BCL7C: variants seen among roughly 807,000 people sequenced by gnomAD.
BCL7C encodes BAF chromatin remodeling complex subunit BCL7C, also known as B-cell CLL/lymphoma 7 protein family member C.
In BCL7C, 8 loss-of-function variants were observed where a neutral mutation model predicts 26.2. The ratio of observed to expected loss-of-function variants is 0.30; its 90% CI spans 0.18 to 0.55. The LOEUF is 0.55. Ranked by LOEUF, BCL7C falls within the 20% of genes least tolerant of loss-of-function variation. The pLI, the probability that BCL7C is intolerant of heterozygous loss-of-function variation, is 0.93. For missense variants in BCL7C, 262 were observed against 298.5 expected, an observed-to-expected ratio of 0.88 and a Z score of 0.90; for synonymous variants, 90 against 116.5, an observed-to-expected ratio of 0.77 and a Z score of 1.47.
intron 4 of BCL7C, among the ~76,000 whole-genome samples, chr16:30,890,775 C>T (rs1015349777): frequency 1.3e-4 from 20 of 151,890 alleles, no homozygotes; most frequent in Non-Finnish European, 2.2e-4. Flanking sequence ...CACCTGAAGT[C>T]GGGAGTTCGA....
chr16:30,874,782 C>T (rs2054921333), intron 5 of BCL7C, among the ~76,000 whole-genome samples: 1 of 152,138 alleles, frequency 6.6e-6, no homozygotes, highest in South Asian at 2.1e-4. Context: ...GGATAAATCA[C>T]CCCAGACTGT....
At chr16:30,889,119 A>C (rs1303884558) in intron 4 of BCL7C, among the ~76,000 whole-genome samples, 174 bp from the exon 5 acceptor site, 1 of 152,172 alleles carries the variant, frequency 6.6e-6, no homozygotes, top group Non-Finnish European at 1.5e-5. Flanking sequence ...GGGAACACTG[A>C]TGTGGGAGCT....
chr16:30,889,862 G>A (rs2055198068), intron 4 of BCL7C, among the ~76,000 whole-genome samples: 1 of 150,240 alleles, frequency 6.7e-6, no homozygotes, highest in Admixed American at 6.7e-5. Context: ...GGAATCCAAG[G>A]CTGCAGTGAG....
intron 5 of BCL7C, among the ~76,000 whole-genome samples, chr16:30,872,327 C>A (rs1271556047): frequency 1.3e-5 from 2 of 152,130 alleles, no homozygotes; most frequent in Non-Finnish European, 2.9e-5. Context: ...TGCAGGTAAT[C>A]CCAGCCAGCC....
intron 5 of BCL7C, among the ~76,000 whole-genome samples, chr16:30,844,243 G>T (rs1211390957): frequency 6.7e-6 from 1 of 149,630 alleles, no homozygotes; most frequent in South Asian, 2.1e-4. Context: ...CCAGCTACTC[G>T]GGAGGCTGAG....
chr16:30,842,626 T>C (rs1232822396), intron 5 of BCL7C, among the ~76,000 whole-genome samples: 1 of 152,190 alleles, frequency 6.6e-6, no homozygotes, highest in East Asian at 1.9e-4. Context: ...TGGAGTGCAG[T>C]GGTGCGATCT....
At chr16:30,865,397 A>G (rs1027602208) in intron 5 of BCL7C, among the ~76,000 whole-genome samples, 1 of 151,442 alleles carries the variant, frequency 6.6e-6, no homozygotes, top group African/African-American at 2.4e-5. Flanking sequence ...AGCGTGTGAC[A>G]GTCTCTACCA....
At chr16:30,844,381 AAAC>A (rs1258727167) in intron 5 of BCL7C, among the ~76,000 whole-genome samples, 5 of 150,836 alleles carry the variant, frequency 3.3e-5, no homozygotes, top group Non-Finnish European at 1.5e-5. Context: ...AAAAGGGAAA[AAAC>A]AAACAAACTA....
intron 5 of BCL7C, among the ~76,000 whole-genome samples, chr16:30,867,951 C>G (rs1372848974): frequency 6.6e-6 from 1 of 151,938 alleles, no homozygotes; most frequent in East Asian, 1.9e-4. Context: ...AGACTGTCCC[C>G]TAGAGCCTCC....
intron 5 of BCL7C, chr16:30,875,992 A>T (rs1384509898): frequency 6.6e-6 from 1 of 152,248 alleles, no homozygotes; most frequent in East Asian, 1.9e-4. Context: ...GAATAACTCC[A>T]TTCCTATCCC....
chr16:30,842,916 G>A (rs1567307683), intron 5 of BCL7C, among the ~76,000 whole-genome samples: 1 of 152,120 alleles, frequency 6.6e-6, no homozygotes, highest in Non-Finnish European at 1.5e-5. Context: ...AAAGTGCTGG[G>A]ATTACAGGCG....
rs2055292689 is a variant in BCL7C, at chr16:30,893,549, T to C, written c.93-259A>G. 6.6e-6 allele frequency among the ~76,000 whole-genome samples: 1 copy of C among 151,796 alleles called. No individual in the cohort carries two copies. The highest frequency in any genetic ancestry group is 2.1e-4 in the South Asian group (1 of 4,820). ...GGGGCACACATGGGGGGCGTGGCTA[T>C]GGGCCTGGCCCGGGATCAGAGCCCT... On this transcript the variant is annotated intron_variant, in intron 1 of 5. Transcript: ENST00000215115. The surrounding 1 kb of genome is among the most constrained non-coding windows in gnomAD (Gnocchi z 5.2).
At chr16:30,850,720 G>C (rs1470850728) in intron 5 of BCL7C, among the ~76,000 whole-genome samples, 2 of 152,156 alleles carry the variant, frequency 1.3e-5, no homozygotes, top group African/African-American at 2.4e-5. Context: ...GTATGCCATG[G>C]TAAGTACCAG....
chr16:30,845,873 G>A (rs1045030520), intron 5 of BCL7C, among the ~76,000 whole-genome samples: 1 of 151,862 alleles, frequency 6.6e-6, no homozygotes, highest in African/African-American at 2.4e-5. Flanking sequence ...TTGGGAGGCC[G>A]AGACAGGCGG....
chr16:30,887,581 C>T (rs548839634), downstream of BCL7C, among the ~76,000 whole-genome samples: 16 of 152,050 alleles, frequency 1.1e-4, no homozygotes, highest in South Asian at 6.2e-4. Flanking sequence ...CTGGGCCTCC[C>T]AGAGGAGGAG....
At chr16:30,863,136 C>G (rs1304473272) in intron 5 of BCL7C, among the ~76,000 whole-genome samples, 1 of 152,130 alleles carries the variant, frequency 6.6e-6, no homozygotes. Context: ...CTCCACTTCC[C>G]CATATTTCCT....
Position 30,893,767 on chromosome 16 carries a change from G to A in BCL7C, c.92+86C>T. The A allele has an allele frequency of 8.3e-7, 1 of 1,208,436 alleles. No homozygotes were observed. The allele number at this position is 1,208,436 out of a possible 1,614,324, so 74.9% of individuals were successfully genotyped here. A position where few individuals can be genotyped will look rare whatever the true frequency, so the allele number is the denominator to read the frequency against. The stretch of plus-strand genomic sequence containing the variant: ...GGGTGGAGATACACCGAACACCCGG[G>A]GCCCAGAGCTGGCGAGGGCAGCGTA... On this transcript the variant is annotated intron_variant, in intron 1 of 5. Coordinates refer to ENST00000215115, the MANE Select transcript of BCL7C (RefSeq NM_004765.4). This position sits in a 1 kb window ranked among gnomAD's most constrained non-coding sequence, Gnocchi z 5.2.
rs1474380871 is a variant in BCL7C at position 30,893,041 on chromosome 16, CAG to C, written c.172-95_172-94del. The C allele has an allele frequency of 7.5e-6, 10 of 1,339,076 alleles. No homozygotes were observed. The highest frequency in any genetic ancestry group is 9.4e-6 in the Non-Finnish European group (9 of 958,618). The allele number at this position is 1,339,076 out of a possible 1,614,324, so 82.9% of individuals were successfully genotyped here. ...ACTGAGAAGCAAAAGGGCTCAAACT[CAG>C]GGGGTGTGGAGCAGAAAAGAGGGCA... On this transcript the variant is annotated intron_variant, in intron 2 of 5. Transcript: ENST00000215115. The surrounding 1 kb of genome is among the most constrained non-coding windows in gnomAD (Gnocchi z 5.2).
chr16:30,869,245 G>A (rs1281160288), intron 5 of BCL7C, among the ~76,000 whole-genome samples: 2 of 152,060 alleles, frequency 1.3e-5, no homozygotes, highest in Non-Finnish European at 2.9e-5. Context: ...GTCTCACTCT[G>A]TCACCCAGGC....
Sources: gnomAD v4.1 joint callset for allele counts (sites outside exome capture counted in the v4.1 genomes callset) on GRCh38, gnomAD v4.1.1 for gene constraint, Gnocchi (gnomAD v3.1) non-coding constraint, MANE v1.5 for transcripts, NCBI Gene and HGNC (gene_info 2026-07-23, HGNC 2026-07-21) for gene names.